EYS: variants seen among roughly 807,000 people sequenced by gnomAD.
The protein encoded by EYS is protein eyes shut homolog.
A neutral mutation model predicts 282.1 loss-of-function variants in EYS; 250 were observed. That is an observed-to-expected ratio of 0.89 (90% CI 0.80 to 0.98). EYS has a LOEUF of 0.98. EYS is among the 50% of genes least tolerant of loss of function. The pLI is 0.00. For missense variants in EYS, 4,016 were observed against 3,709.0 expected, an observed-to-expected ratio of 1.08 and a Z score of -2.15; for synonymous variants, 1,355 against 1,282.9, an observed-to-expected ratio of 1.06 and a Z score of -1.20.
rs1472667555 is a variant in EYS at position 65,659,106 on chromosome 6, A to G, written c.-447-19214T>C. Among the ~76,000 whole-genome samples, 8 of 151,696 alleles carry G rather than the reference A, an allele frequency of 5.3e-5. No homozygotes were observed. In the East Asian group the frequency reaches 1.5e-3, roughly 29 times the overall value. The stretch of plus-strand genomic sequence containing the variant: ...CTTGATTTATTTAATTTATAGCCTT[A>G]CATATCAATATCCTGGAAGAACTTG... On this transcript the variant is annotated intron_variant, in intron 1 of 42. Coordinates refer to ENST00000503581, the MANE Select transcript of EYS (RefSeq NM_001142800.2).
chr6:64,278,965 G>A (rs1478797057), intron 30 of EYS, among the ~76,000 whole-genome samples: 1 of 152,058 alleles, frequency 6.6e-6, no homozygotes, highest in Admixed American at 6.6e-5. Flanking sequence ...TGTTGCCCAG[G>A]TTGGTCTCAA....
rs1323518349 is a variant in EYS, at chr6:65,689,487, C to T, written c.-448+17648G>A. ...CATGTATACGTATGTAACTAACCTGCACGTTGTGCACATGTACCCTAAAAC... is the reference window on the plus strand; with the variant it reads ...CATGTATACGTATGTAACTAACCTGTACGTTGTGCACATGTACCCTAAAAC... On this transcript the variant is annotated intron_variant, in intron 1 of 42. Coordinates refer to ENST00000503581, the MANE Select transcript of EYS (RefSeq NM_001142800.2). Among the ~76,000 whole-genome samples the T allele has an allele frequency of 1.3e-5, 2 of 149,540 alleles. 1 individual carries two copies. The highest frequency in any genetic ancestry group is 3.0e-5 in the Non-Finnish European group (2 of 67,582).
chr6:63,755,143 C>G (rs1769443982), intron 41 of EYS, among the ~76,000 whole-genome samples: 1 of 152,114 alleles, frequency 6.6e-6, no homozygotes, highest in African/African-American at 2.4e-5. Context: ...TGTAGGTTGC[C>G]TGTTCACTCT....
intron 12 of EYS, among the ~76,000 whole-genome samples, chr6:65,188,645 T>C (rs963167376): frequency 6.6e-6 from 1 of 151,142 alleles, no homozygotes; most frequent in African/African-American, 2.4e-5. Flanking sequence ...AAAATACAGA[T>C]ATTATTCTGA....
At chr6:65,549,868 T>G (rs560275365) in intron 2 of EYS, among the ~76,000 whole-genome samples, 1 of 152,298 alleles carries the variant, frequency 6.6e-6, no homozygotes, top group African/African-American at 2.4e-5. Flanking sequence ...CCAGAACAGT[T>G]ACAGATTACA....
intron 12 of EYS, among the ~76,000 whole-genome samples, chr6:65,161,317 A>G (rs997885420): frequency 6.6e-6 from 1 of 151,042 alleles, no homozygotes; most frequent in Non-Finnish European, 1.5e-5. Flanking sequence ...CTCAAATGTC[A>G]TCCATTTCAG....
At chr6:65,255,044 G>A (rs1015530831) in intron 12 of EYS, among the ~76,000 whole-genome samples, 1 of 151,640 alleles carries the variant, frequency 6.6e-6, no homozygotes, top group Non-Finnish European at 1.5e-5. Flanking sequence ...AAATTTTATG[G>A]AAGCACAAAA....
intron 26 of EYS, among the ~76,000 whole-genome samples, chr6:64,559,510 T>C (rs1765333823): frequency 6.6e-6 from 1 of 152,104 alleles, no homozygotes; most frequent in South Asian, 2.1e-4. Flanking sequence ...TAAAAATCAA[T>C]ACAAAGTTAC....
At chr6:64,902,329 A>G (rs1767693241) in intron 17 of EYS, 75 bp downstream of exon 17, 1 of 1,308,580 alleles carries the variant, frequency 7.6e-7, no homozygotes, top group Non-Finnish European at 1.1e-6. Flanking sequence ...TGCTTAATTC[A>G]CCAATTAAAA....
At chr6:65,577,749 T>A (rs1225342839) in intron 2 of EYS, among the ~76,000 whole-genome samples, 1 of 114,436 alleles carries the variant, frequency 8.7e-6, no homozygotes, top group Non-Finnish European at 1.8e-5. Context: ...AAAGCCTGTT[T>A]TAAAAAAAAA....
chr6:65,116,969 C>A (rs186784760), intron 12 of EYS, among the ~76,000 whole-genome samples: 52 of 152,248 alleles, frequency 3.4e-4, no homozygotes, highest in Admixed American at 7.8e-4. Context: ...GTCCAATATT[C>A]CTTTCTTCCC....
intron 15 of EYS, among the ~76,000 whole-genome samples, chr6:64,926,227 C>G (rs917462001): frequency 3.9e-5 from 6 of 152,184 alleles, no homozygotes; most frequent in Admixed American, 6.5e-5. Context: ...GTGGCTGGAG[C>G]ACATACCACA....
At chr6:64,593,058 T>C in intron 25 of EYS, 59 bp downstream of exon 25, 2 of 1,283,926 alleles carry the variant, frequency 1.6e-6, no homozygotes, top group East Asian at 5.8e-5. Context: ...GAAAATATGC[T>C]TTTACCACAC....
chr6:65,473,790 G>T (rs1369342041), intron 5 of EYS, among the ~76,000 whole-genome samples: 1 of 149,284 alleles, frequency 6.7e-6, no homozygotes, highest in African/African-American at 2.5e-5. Flanking sequence ...TATTTTCCCA[G>T]CAAATAAAAT....
At chr6:63,800,751 G>T (rs988714189) in intron 37 of EYS, among the ~76,000 whole-genome samples, 1 of 152,240 alleles carries the variant, frequency 6.6e-6, no homozygotes, top group Non-Finnish European at 1.5e-5. Flanking sequence ...GTTGCAGTAA[G>T]CCAAGATCCT....
intron 33 of EYS, among the ~76,000 whole-genome samples, chr6:64,044,797 T>A (rs1272455833): frequency 6.6e-6 from 1 of 152,174 alleles, no homozygotes; most frequent in Non-Finnish European, 1.5e-5. Flanking sequence ...CCAAGCTGTT[T>A]TGTTGATTTA....
chr6:63,910,757 C>CT (rs550107958), intron 35 of EYS, among the ~76,000 whole-genome samples: 5 of 151,830 alleles, frequency 3.3e-5, no homozygotes, highest in Admixed American at 1.3e-4. Flanking sequence ...TCAAGTGTAC[C>CT]TTTTTTTTCC....
At chr6:64,092,016 C>T (rs1772382410) in intron 31 of EYS, among the ~76,000 whole-genome samples, 2 of 152,060 alleles carry the variant, frequency 1.3e-5, no homozygotes, top group Admixed American at 1.3e-4. Flanking sequence ...TTTTTCTGTC[C>T]TTGCGATAGT....
intron 1 of EYS, among the ~76,000 whole-genome samples, chr6:65,665,644 G>C (rs984654095): frequency 8.6e-5 from 13 of 152,012 alleles, no homozygotes; most frequent in African/African-American, 3.1e-4. Flanking sequence ...GTAAAAATGT[G>C]TGAAGGTGTC....
Sources: gnomAD v4.1 joint callset for allele counts (sites outside exome capture counted in the v4.1 genomes callset) on GRCh38, gnomAD v4.1.1 for gene constraint, MANE v1.5 for transcripts, NCBI Gene and HGNC (gene_info 2026-07-23, HGNC 2026-07-21) for gene names.